The following SCUBE2 variants were observed in gnomAD, a reference collection of about 807,000 sequenced individuals.
SCUBE2 encodes the protein signal peptide, CUB domain and EGF like domain containing 2.
In SCUBE2, 114 loss-of-function variants were observed where a neutral mutation model predicts 125.9. That is an observed-to-expected ratio of 0.91 (90% CI 0.78 to 1.06). The LOEUF (loss-of-function observed/expected upper bound fraction) is 1.06, where lower values mean the gene tolerates loss of function less well. Ranked by LOEUF, SCUBE2 falls within the 50% of genes least tolerant of loss-of-function variation. SCUBE2 has a pLI of 0.00. For synonymous variants in SCUBE2, 459 were observed against 492.9 expected (o/e 0.93, Z 0.91); for missense variants, 1,255 against 1,301.8 (o/e 0.96, Z 0.55).
chr11:9,022,317 G>A (rs578124570), intron 21 of SCUBE2, among the ~76,000 whole-genome samples: 8 of 151,756 alleles, frequency 5.3e-5, no homozygotes, highest in South Asian at 2.1e-4. Context: ...CTCTCTATTC[G>A]TCTCTCCCAC....
intron 2 of SCUBE2, among the ~76,000 whole-genome samples, chr11:9,080,405 C>T (rs1861536577): frequency 6.6e-6 from 1 of 152,108 alleles, no homozygotes. Context: ...TCTTTGGGTG[C>T]ACTTTGGGAG....
At chr11:9,081,686 C>A (rs905704196) in intron 2 of SCUBE2, among the ~76,000 whole-genome samples, 2 of 149,736 alleles carry the variant, frequency 1.3e-5, no homozygotes, top group African/African-American at 4.9e-5. Context: ...AAAAAAAAAA[C>A]CAAAAATATT....
At chr11:9,078,559 G>A (rs142478491) in intron 3 of SCUBE2, among the ~76,000 whole-genome samples, 289 of 152,310 alleles carry the variant, frequency 1.9e-3, no homozygotes, top group African/African-American at 6.5e-3. Context: ...ATAAGGGGGC[G>A]TCTGAATGGC....
chr11:9,073,604 T>C (rs1362135645), intron 4 of SCUBE2, among the ~76,000 whole-genome samples: 2 of 152,142 alleles, frequency 1.3e-5, no homozygotes, highest in Non-Finnish European at 2.9e-5. Context: ...CATTCTTAAG[T>C]AATGGGAAAG....
chr11:9,024,267 A>AGAT, intron 21 of SCUBE2: 1 of 1,073,938 alleles, frequency 9.3e-7, no homozygotes, highest in African/African-American at 1.7e-5. Flanking sequence ...TCCTGATTCC[A>AGAT]GATAGGAGAG....
chr11:9,041,128 A>T (rs2135302954), intron 16 of SCUBE2, among the ~76,000 whole-genome samples: 1 of 152,360 alleles, frequency 6.6e-6, no homozygotes, highest in Non-Finnish European at 1.5e-5. Context: ...GATGCTAGCC[A>T]GTTATTTTTA....
intron 13 of SCUBE2, among the ~76,000 whole-genome samples, chr11:9,052,329 A>G (rs887233222): frequency 6.6e-6 from 1 of 152,238 alleles, no homozygotes; most frequent in African/African-American, 2.4e-5. Flanking sequence ...TTCATTCTTC[A>G]TCTTTTGACA....
In SCUBE2 at chr11:9,060,499, G is replaced by C; in HGVS notation, c.876C>G (p.Gly292=). Residue 292 remains glycine, a synonymous_variant, in exon 8 of 23, where the codon GGC becomes GGG. Coordinates refer to ENST00000649792, the MANE Select transcript of SCUBE2 (RefSeq NM_001367977.2). ...LMETCAVNNG[G]CDRTCKDTST... ...AAGTATCCTTACAGGTGCGGTCACA[G>C]CCTCCATTGTTGACAGCACACGTTT... The C allele has an allele frequency of 1.2e-6, 2 of 1,613,926 alleles. No individual in the cohort carries two copies. Among genetic ancestry groups the C allele is most frequent in the Non-Finnish European group, 1.7e-6 (2 of 1,179,896 alleles).
intron 16 of SCUBE2, among the ~76,000 whole-genome samples, chr11:9,038,605 AC>A (rs1856942163): frequency 6.6e-6 from 1 of 152,174 alleles, no homozygotes; most frequent in Non-Finnish European, 1.5e-5. Context: ...ACAGAGCAAG[AC>A]CCTGTCTAAA....
chr11:9,088,522 C>A (rs189680487), intron 2 of SCUBE2, among the ~76,000 whole-genome samples: 1 of 152,300 alleles, frequency 6.6e-6, no homozygotes, highest in Admixed American at 6.5e-5. Flanking sequence ...TCCTCCTCAT[C>A]TAAAGAAGTT....
At position 9,030,763 on chromosome 11, in the gene SCUBE2, G is replaced by T; in HGVS notation, c.2336C>A (p.Thr779Asn). ...GCAAGCTGCCAAGTACTCACCTCTGGTTTCACAGTCCTGAAAGGAAGTAGC... is the reference window on the plus strand; with the variant it reads ...GCAAGCTGCCAAGTACTCACCTCTGTTTTCACAGTCCTGAAAGGAAGTAGC... ...QGATSFQDCETRVQCSPGHFY... is the reference protein window; with the variant it reads ...QGATSFQDCENRVQCSPGHFY... The change falls in exon 18 of 23, where the codon ACC (threonine) becomes AAC (asparagine). Residue 779 changes from threonine to asparagine, a missense_variant. Thr to Asn is a moderately conservative substitution (Grantham distance 65). This residue lies in a region of SCUBE2 where 515 missense variants were observed against 515.7 expected (regional missense o/e 1.00). Transcript: ENST00000649792. 6.2e-7 allele frequency: 1 copy of T among 1,613,392 alleles called. No individual in the cohort carries two copies. Among genetic ancestry groups the T allele is most frequent in the Non-Finnish European group, 8.5e-7 (1 of 1,179,716 alleles).
At chr11:9,052,584 C>G (rs1051312065) in intron 13 of SCUBE2, among the ~76,000 whole-genome samples, 162 bp downstream of exon 13, 1 of 152,186 alleles carries the variant, frequency 6.6e-6, no homozygotes, top group African/African-American at 2.4e-5. Flanking sequence ...GAGTCACATT[C>G]CGGGCACCAG....
intron 18 of SCUBE2, chr11:9,030,390 G>A: frequency 2.5e-6 from 1 of 407,114 alleles, no homozygotes; most frequent in African/African-American, 2.0e-5. Context: ...TTAGAGTTGG[G>A]CTCCCTGGGA....
intron 16 of SCUBE2, 79 bp downstream of exon 16, chr11:9,047,277 C>A: frequency 6.9e-7 from 1 of 1,452,452 alleles, no homozygotes; most frequent in Non-Finnish European, 9.6e-7. Flanking sequence ...GGAGGATGGG[C>A]CAGACTTGCC....
chr11:9,070,299 G>A (rs1860662536), intron 4 of SCUBE2, among the ~76,000 whole-genome samples: 1 of 152,174 alleles, frequency 6.6e-6, no homozygotes, highest in Non-Finnish European at 1.5e-5. Flanking sequence ...TTCTGTTCTT[G>A]CAGGGCTCGG....
chr11:9,060,579 T>C (rs997757977), intron 7 of SCUBE2, 55 bp from the exon 8 acceptor site: 4 of 1,468,466 alleles, frequency 2.7e-6, no homozygotes, highest in African/African-American at 2.8e-5. Flanking sequence ...CTGATACAGC[T>C]GACGAAGGTC....
intron 3 of SCUBE2, 27 bp from the exon 4 acceptor site, chr11:9,074,642 G>A (rs7930311): frequency 6.2e-7 from 1 of 1,612,202 alleles, no homozygotes; most frequent in African/African-American, 1.3e-5. Context: ...ATTAGCCTTT[G>A]CTTTGGTGAC....
chr11:9,037,047 T>C (rs1366452517), intron 16 of SCUBE2, among the ~76,000 whole-genome samples: 1 of 152,234 alleles, frequency 6.6e-6, no homozygotes, highest in East Asian at 1.9e-4. Context: ...ATATATTTGA[T>C]TCTTTCACAA....
chr11:9,074,769 G>C (rs1861085878), intron 3 of SCUBE2, among the ~76,000 whole-genome samples, 154 bp from the exon 4 acceptor site: 1 of 152,236 alleles, frequency 6.6e-6, no homozygotes, highest in Non-Finnish European at 1.5e-5. Flanking sequence ...AAGGTCCACA[G>C]ACAACTACCC....
Sources: gnomAD v4.1 joint callset for allele counts (sites outside exome capture counted in the v4.1 genomes callset) on GRCh38, gnomAD v4.1.1 for gene constraint, gnomAD v4.1.1 regional missense constraint, MANE v1.5 for transcripts, NCBI Gene and HGNC (gene_info 2026-07-23, HGNC 2026-07-21) for gene names.